The following ANKH variants were observed in gnomAD, a reference collection of about 807,000 sequenced individuals.
ANKH encodes the protein ANKH inorganic pyrophosphate transport regulator.
ANKH carries 15 observed loss-of-function variants against 49.0 expected under a neutral mutation model. The observed-to-expected ratio is 0.31, with a 90% CI of 0.20 to 0.47. ANKH has a LOEUF of 0.47. Ranked by LOEUF, ANKH falls within the 20% of genes least tolerant of loss-of-function variation. The pLI is 1.00. For missense variants in ANKH, 429 were observed against 652.0 expected, an observed-to-expected ratio of 0.66 and a Z score of 3.72; for synonymous variants, 273 against 260.0, an observed-to-expected ratio of 1.05 and a Z score of -0.48.
At chr5:14,781,032 T>C (rs763693821) in intron 1 of ANKH, among the ~76,000 whole-genome samples, 1 of 152,200 alleles carries the variant, frequency 6.6e-6, no homozygotes, top group Non-Finnish European at 1.5e-5. Context: ...TCCAAAGACA[T>C]GGAGAATCAG....
intron 1 of ANKH, among the ~76,000 whole-genome samples, chr5:14,774,893 TAAAC>T (rs1739563012): frequency 7.0e-6 from 1 of 143,608 alleles, no homozygotes; most frequent in Non-Finnish European, 1.5e-5. Flanking sequence ...ACAAATAGAA[TAAAC>T]ATTTACTGTG....
At chr5:14,865,349 T>C (rs1038017038) in intron 1 of ANKH, among the ~76,000 whole-genome samples, 29 of 152,214 alleles carry the variant, frequency 1.9e-4, no homozygotes, top group African/African-American at 6.3e-4. Context: ...GGAGTGAAAT[T>C]AGAGGCATTT....
chr5:14,823,418 G>C (rs1741250681), intron 1 of ANKH, among the ~76,000 whole-genome samples: 1 of 152,124 alleles, frequency 6.6e-6, no homozygotes, highest in Non-Finnish European at 1.5e-5. Flanking sequence ...TTTATAAAAT[G>C]AACAATTTGC....
chr5:14,841,449 C>A (rs1292557850), intron 1 of ANKH, among the ~76,000 whole-genome samples: 1 of 151,910 alleles, frequency 6.6e-6, no homozygotes, highest in Admixed American at 6.6e-5. Context: ...GGCATGTGCC[C>A]CAACGCCTGG....
At chr5:14,834,745 C>T (rs1282344355) in intron 1 of ANKH, among the ~76,000 whole-genome samples, 1 of 152,220 alleles carries the variant, frequency 6.6e-6, no homozygotes, top group African/African-American at 2.4e-5. Flanking sequence ...CGCGCCACTA[C>T]ACTCCAGCCT....
intron 1 of ANKH, among the ~76,000 whole-genome samples, chr5:14,832,976 T>C (rs1373835248): frequency 6.6e-6 from 1 of 152,224 alleles, no homozygotes; most frequent in African/African-American, 2.4e-5. Context: ...ACTGAATGCC[T>C]AACAATTTCT....
intron 2 of ANKH, among the ~76,000 whole-genome samples, chr5:14,759,279 G>A (rs541860688): frequency 9.9e-5 from 15 of 152,284 alleles, no homozygotes; most frequent in African/African-American, 3.1e-4. Flanking sequence ...CCAGTGACTG[G>A]AACATAGGCA....
chr5:14,773,353 CTTTTTTTTTTTTTTT>C (rs71603741), intron 1 of ANKH, among the ~76,000 whole-genome samples: 1 of 77,016 alleles, frequency 1.3e-5, no homozygotes, highest in African/African-American at 5.0e-5. Context: ...GCAAAGCATT[CTTTTTTTTTTTTTTT>C]TTTTTTTTTT....
chr5:14,772,192 G>C (rs1374379060), intron 1 of ANKH, among the ~76,000 whole-genome samples: 2 of 152,068 alleles, frequency 1.3e-5, no homozygotes, highest in Non-Finnish European at 2.9e-5. Flanking sequence ...AGAGCTACTC[G>C]GCAAAACCAG....
chr5:14,734,351 G>A (rs1283093739), intron 8 of ANKH, among the ~76,000 whole-genome samples: 4 of 152,110 alleles, frequency 2.6e-5, no homozygotes, highest in Admixed American at 6.5e-5. Flanking sequence ...CAGGGGCCAC[G>A]TGCGTCAGGG....
intron 1 of ANKH, among the ~76,000 whole-genome samples, chr5:14,789,350 T>C (rs941616699): frequency 6.6e-6 from 1 of 152,130 alleles, no homozygotes; most frequent in African/African-American, 2.4e-5. Context: ...TGAGCTTCCG[T>C]ATGAGTTAAA....
At chr5:14,829,299 A>G (rs1297128594) in intron 1 of ANKH, among the ~76,000 whole-genome samples, 2 of 152,112 alleles carry the variant, frequency 1.3e-5, no homozygotes, top group Admixed American at 6.6e-5. Context: ...AGAATCCAGA[A>G]AGGCTTACCC....
chr5:14,732,006 C>T (rs568369634), intron 8 of ANKH, among the ~76,000 whole-genome samples: 2 of 152,294 alleles, frequency 1.3e-5, no homozygotes, highest in East Asian at 1.9e-4. Context: ...CCACAGGACC[C>T]AGGTTTCTGT....
At chr5:14,731,114 C>G (rs748796348) in intron 8 of ANKH, among the ~76,000 whole-genome samples, 1 of 152,190 alleles carries the variant, frequency 6.6e-6, no homozygotes, top group Non-Finnish European at 1.5e-5. Context: ...CCATGTCGTC[C>G]TCCGGGGGCA....
intron 1 of ANKH, among the ~76,000 whole-genome samples, chr5:14,849,477 A>G (rs979613521): frequency 3.3e-5 from 5 of 152,190 alleles, no homozygotes; most frequent in African/African-American, 1.2e-4. Flanking sequence ...AGATGCAGGG[A>G]GGGCGGGAAG....
rs1736961829 is a variant in ANKH, at chr5:14,706,879, CTG to C, written c.*4316_*4317del. The C allele has an allele frequency of 6.6e-6, 1 of 152,212 alleles. No individual in the cohort carries two copies. Among genetic ancestry groups the C allele is most frequent in the African/African-American group, 2.4e-5 (1 of 41,460 alleles). The allele number at this position is 152,212 out of a possible 1,614,324, so 9.4% of individuals were successfully genotyped here. On this transcript the variant is annotated 3_prime_UTR_variant, in exon 12 of 12. Coordinates refer to ENST00000284268, the MANE Select transcript of ANKH (RefSeq NM_054027.6). ...GCTTTATATGAGAGCCATCAGAGGA[CTG>C]TGTGTGAGGGCGATGTCTACAGAAT... is the stretch of plus-strand genomic sequence containing the variant.
chr5:14,831,431 G>A (rs1411470117), intron 1 of ANKH, among the ~76,000 whole-genome samples: 8 of 152,058 alleles, frequency 5.3e-5, no homozygotes, highest in Admixed American at 3.3e-4. Context: ...TCATATCTCC[G>A]CACCTTGCTG....
At chr5:14,746,165 T>C (rs1195801551) in intron 6 of ANKH, among the ~76,000 whole-genome samples, 2 of 152,216 alleles carry the variant, frequency 1.3e-5, no homozygotes, top group Middle Eastern at 3.4e-3. Flanking sequence ...GCAGGTACTC[T>C]GCCTCATCCC....
chr5:14,758,257 C>T (rs1490812560), intron 3 of ANKH, among the ~76,000 whole-genome samples: 1 of 152,134 alleles, frequency 6.6e-6, no homozygotes, highest in East Asian at 1.9e-4. Context: ...ATGGAGGTTG[C>T]CCAGAGCTGG....
Sources: gnomAD v4.1 joint callset for allele counts (sites outside exome capture counted in the v4.1 genomes callset) on GRCh38, gnomAD v4.1.1 for gene constraint, MANE v1.5 for transcripts, NCBI Gene and HGNC (gene_info 2026-07-23, HGNC 2026-07-21) for gene names.